The following HYDIN variants were observed in gnomAD, a reference collection of about 807,000 sequenced individuals.
HYDIN encodes the protein axonemal central pair apparatus protein HYDIN.
HYDIN carries 132 observed loss-of-function variants against 403.9 expected under a neutral mutation model. That is an observed-to-expected ratio of 0.33 (90% CI 0.28 to 0.38). HYDIN has a LOEUF of 0.38. HYDIN is among the 10% of genes least tolerant of loss of function. The pLI is 1.00. For missense variants in HYDIN, 2,827 were observed against 5,009.5 expected (o/e 0.56, Z 13.15); for synonymous variants, 1,202 against 1,891.7 (o/e 0.64, Z 9.46).
chr16:71,067,604 A>G (rs1391407182), intron 14 of HYDIN, among the ~76,000 whole-genome samples: 6 of 151,128 alleles, frequency 4.0e-5, no homozygotes, highest in Non-Finnish European at 8.9e-5. Context: ...GGCTGTTAGT[A>G]CAATGGCTTT....
chr16:70,997,073 A>C (rs1322241018), intron 23 of HYDIN, among the ~76,000 whole-genome samples: 7 of 151,716 alleles, frequency 4.6e-5, no homozygotes, highest in Non-Finnish European at 8.8e-5. Flanking sequence ...TTAGATCCTC[A>C]TAAGGAGCAT....
At chr16:70,860,995 T>G (rs2039375879) in intron 69 of HYDIN, 94 bp from the exon 70 acceptor site, 1 of 939,306 alleles carries the variant, frequency 1.1e-6, no homozygotes. Context: ...CACCAGAATG[T>G]GAGCTCTATG....
intron 6 of HYDIN, among the ~76,000 whole-genome samples, chr16:71,161,390 G>C (rs1427198143): frequency 2.8e-4 from 42 of 152,194 alleles, no homozygotes; most frequent in Non-Finnish European, 2.9e-5. Flanking sequence ...AAAAGGCCAC[G>C]GACTGGACCG....
intron 55 of HYDIN, chr16:70,893,655 A>T (rs1281634338): frequency 6.6e-6 from 1 of 151,358 alleles, no homozygotes; most frequent in African/African-American, 2.4e-5. Flanking sequence ...AGTAGATGGG[A>T]CTACAAGTGA....
intron 46 of HYDIN, among the ~76,000 whole-genome samples, 200 bp from the exon 47 acceptor site, chr16:70,918,629 G>A (rs2076910094): frequency 6.6e-6 from 1 of 152,220 alleles, no homozygotes; most frequent in South Asian, 2.1e-4. Flanking sequence ...TTAATATGAA[G>A]AGGCCAGCTC....
intron 23 of HYDIN, among the ~76,000 whole-genome samples, chr16:71,004,231 T>C (rs2079817940): frequency 6.6e-6 from 1 of 151,828 alleles, no homozygotes; most frequent in South Asian, 2.1e-4. Context: ...GGAGAATCGC[T>C]TGAACCTGGG....
chr16:71,118,174 C>T (rs556409766), intron 9 of HYDIN, among the ~76,000 whole-genome samples: 1 of 152,238 alleles, frequency 6.6e-6, no homozygotes, highest in Non-Finnish European at 1.5e-5. Context: ...TCTGCAGTCA[C>T]GGCCCACACC....
At chr16:70,921,338 C>T (rs2076989583) in intron 45 of HYDIN, 121 bp from the exon 46 acceptor site, 1 of 891,242 alleles carries the variant, frequency 1.1e-6, no homozygotes, top group Non-Finnish European at 1.7e-6. Flanking sequence ...TGGGCACCTC[C>T]CCTGCACGCT....
chr16:71,209,011 T>C (rs9928876), intron 1 of HYDIN, among the ~76,000 whole-genome samples: 53,382 of 151,570 alleles, frequency 0.35, 9,857 homozygotes, highest in East Asian at 0.58. Context: ...TTCCAAACAA[T>C]TGAAGGGGAG....
intron 7 of HYDIN, among the ~76,000 whole-genome samples, chr16:71,150,927 G>C (rs2085513405): frequency 6.6e-6 from 1 of 152,200 alleles, no homozygotes; most frequent in Non-Finnish European, 1.5e-5. Flanking sequence ...TGAATGGCCA[G>C]TAAGCACCTG....
At chr16:71,113,590 G>GA (rs2083909193) in intron 10 of HYDIN, 1 of 145,642 alleles carries the variant, frequency 6.9e-6, no homozygotes, top group African/African-American at 2.8e-5. Context: ...TCATGATCTT[G>GA]ATTTTTTTTT....
chr16:71,171,820 C>G (rs2086475192), intron 5 of HYDIN, among the ~76,000 whole-genome samples: 1 of 152,190 alleles, frequency 6.6e-6, no homozygotes, highest in Non-Finnish European at 1.5e-5. Flanking sequence ...AGGCTAACCT[C>G]AAGTCAAAGA....
At chr16:71,210,498 T>C (rs901049341) in intron 1 of HYDIN, among the ~76,000 whole-genome samples, 8 of 151,864 alleles carry the variant, frequency 5.3e-5, no homozygotes, top group Admixed American at 2.6e-4. Flanking sequence ...ACATTGTGCC[T>C]ACTTGAGGGA....
chr16:71,033,328 T>C (rs1297478961), intron 18 of HYDIN, among the ~76,000 whole-genome samples: 1 of 152,254 alleles, frequency 6.6e-6, no homozygotes, highest in Non-Finnish European at 1.5e-5. Flanking sequence ...GGCTTAATTA[T>C]CAGGTGATGT....
intron 83 of HYDIN, among the ~76,000 whole-genome samples, chr16:70,826,682 A>C: frequency 6.9e-6 from 1 of 144,410 alleles, no homozygotes; most frequent in African/African-American, 2.8e-5. Context: ...GAGATCTCAC[A>C]CTGCTGGATG....
chr16:70,970,319 G>A (rs1386489176), intron 36 of HYDIN, among the ~76,000 whole-genome samples: 6 of 86,666 alleles, frequency 6.9e-5, no homozygotes, highest in Non-Finnish European at 8.8e-5. Context: ...TGCTATATAC[G>A]GTTCTTTACT....
intron 36 of HYDIN, among the ~76,000 whole-genome samples, chr16:70,965,799 G>C (rs936942841): frequency 6.6e-6 from 1 of 151,554 alleles, no homozygotes; most frequent in Non-Finnish European, 1.5e-5. Flanking sequence ...AATTTACATG[G>C]AAGGGCAAAA....
chr16:70,923,720 C>G (rs2143823896), intron 45 of HYDIN, among the ~76,000 whole-genome samples: 1 of 146,074 alleles, frequency 6.8e-6, no homozygotes, highest in South Asian at 2.2e-4. Flanking sequence ...ACTCAGGAGG[C>G]TGAAGCAGGA....
At chr16:70,904,655 C>T (rs2076485315) in intron 50 of HYDIN, among the ~76,000 whole-genome samples, 1 of 142,728 alleles carries the variant, frequency 7.0e-6, no homozygotes, top group South Asian at 2.4e-4. Flanking sequence ...TGCATGCCAC[C>T]ACACCTGGCT....
Sources: gnomAD v4.1 joint callset for allele counts (sites outside exome capture counted in the v4.1 genomes callset) on GRCh38, gnomAD v4.1.1 for gene constraint, MANE v1.5 for transcripts, NCBI Gene and HGNC (gene_info 2026-07-23, HGNC 2026-07-21) for gene names.